The following DST variants were observed in gnomAD, a reference collection of about 807,000 sequenced individuals.
The protein encoded by DST is bullous pemphigoid antigen.
A neutral mutation model predicts 875.2 loss-of-function variants in DST; 253 were observed. The observed-to-expected ratio is 0.29, with a 90% CI of 0.26 to 0.32. DST has a LOEUF of 0.32. DST is among the 10% of genes least tolerant of loss of function. The pLI is 1.00. For missense variants in DST, 8,287 were observed against 9,111.6 expected, an observed-to-expected ratio of 0.91 and a Z score of 3.68; for synonymous variants, 3,124 against 3,197.1, an observed-to-expected ratio of 0.98 and a Z score of 0.77.
In DST at chr6:56,938,108, C is replaced by CTCTATA. The variant is rs1383243392; in HGVS notation, c.216+15676_216+15677insTATAGA. ...TCTCTCTCTCTCTCTCTCTCTCTCT[C>CTCTATA]TATATATATATATATATATATATGT... On this transcript the variant is annotated intron_variant, in intron 2 of 103. Coordinates refer to ENST00000680361, the MANE Select transcript of DST (RefSeq NM_001374736.1). Among the ~76,000 whole-genome samples the CTCTATA allele has an allele frequency of 2.7e-3, 326 of 120,732 alleles. 4 individuals are homozygous for CTCTATA. The highest frequency in any genetic ancestry group is 0.011 in the African/African-American group (304 of 28,606). 79.2% of individuals were successfully genotyped at this position (120,732 alleles called of 152,430 possible).
chr6:56,564,404 A>AT (rs1242082030), intron 55 of DST, among the ~76,000 whole-genome samples: 2 of 152,056 alleles, frequency 1.3e-5, no homozygotes, highest in Non-Finnish European at 2.9e-5. Context: ...AATGCTTGTG[A>AT]TTTTTGCACA....
chr6:56,900,779 A>G lies in DST; in HGVS notation c.217-158T>C, dbSNP rs1322561928. Reference sequence around the variant, plus strand: ...ATGGAGGAGGCTTAACGTGCAAGTTAAGTTTTCCCCACAAGTGTTCTTTAA... The same window carrying G: ...ATGGAGGAGGCTTAACGTGCAAGTTGAGTTTTCCCCACAAGTGTTCTTTAA... On this transcript the variant is annotated intron_variant, in intron 2 of 103. Coordinates refer to ENST00000680361, the MANE Select transcript of DST (RefSeq NM_001374736.1). Among the ~76,000 whole-genome samples the G allele has an allele frequency of 2.0e-5, 3 of 152,136 alleles. No homozygotes were observed. In the East Asian group the frequency reaches 5.8e-4, roughly 29 times the overall value.
At position 56,604,717 on chromosome 6, in the gene DST, C is replaced by T; in HGVS notation, c.9911G>A (p.Ser3304Asn). The change falls in exon 40 of 104, where the codon AGT (serine) becomes AAT (asparagine). Residue 3304 changes from serine to asparagine, a missense_variant. Physicochemically the swap from Ser to Asn is conservative, Grantham distance 46. Coordinates refer to ENST00000680361, the MANE Select transcript of DST (RefSeq NM_001374736.1). ...TGAATAGTCAGTATTTAAAGTGTTA[C>T]TGGAGTTATCATTTCCTAATCCATT... ...CANGLGNDNS[S>N]NTLNTDYSFL... 1 of 1,612,426 alleles carries T rather than the reference C, an allele frequency of 6.2e-7. No individual in the cohort carries two copies. The highest frequency in any genetic ancestry group is 8.5e-7 in the Non-Finnish European group (1 of 1,179,074).
chr6:56,942,059 A>G (rs1816877576), intron 2 of DST, among the ~76,000 whole-genome samples: 1 of 152,178 alleles, frequency 6.6e-6, no homozygotes, highest in Non-Finnish European at 1.5e-5. Flanking sequence ...TCCTTTCATC[A>G]TTGCGGAACA....
chr6:56,928,084 A>C (rs906193749), intron 2 of DST, among the ~76,000 whole-genome samples: 1 of 152,176 alleles, frequency 6.6e-6, no homozygotes, highest in African/African-American at 2.4e-5. Context: ...GTTGGGGCTT[A>C]TACCTCTGAG....
intron 10 of DST, among the ~76,000 whole-genome samples, chr6:56,658,803 G>A (rs1199521652): frequency 1.3e-5 from 2 of 152,198 alleles, no homozygotes; most frequent in East Asian, 1.9e-4. Context: ...GAGCTCCAAA[G>A]GGAGCTCAGG....
intron 4 of DST, among the ~76,000 whole-genome samples, chr6:56,795,130 C>T (rs1372865411): frequency 2.0e-5 from 3 of 151,822 alleles, no homozygotes; most frequent in Non-Finnish European, 4.4e-5. Context: ...AAAAAGTTAA[C>T]AAAAAATTAT....
chr6:56,668,110 C>T (rs62412524), intron 10 of DST, among the ~76,000 whole-genome samples: 5,340 of 152,254 alleles, frequency 0.035, 125 homozygotes, highest in Middle Eastern at 0.058. Flanking sequence ...GAGCAGAACA[C>T]ACCCTCAAAG....
chr6:56,578,489 C>T (rs1362693326), intron 50 of DST, among the ~76,000 whole-genome samples: 1 of 152,186 alleles, frequency 6.6e-6, no homozygotes, highest in Non-Finnish European at 1.5e-5. Flanking sequence ...GAAGGCCTAA[C>T]TCTGCCCAAT....
intron 91 of DST, 122 bp downstream of exon 91, chr6:56,477,223 C>T (rs762866186): frequency 8.4e-6 from 9 of 1,072,772 alleles, no homozygotes; most frequent in East Asian, 2.7e-5. Context: ...TTTAAAAGAA[C>T]GTTTTCTATG....
intron 49 of DST, among the ~76,000 whole-genome samples, chr6:56,586,733 C>G (rs561140059): frequency 3.0e-3 from 458 of 152,288 alleles, no homozygotes; most frequent in Non-Finnish European, 4.6e-3. Flanking sequence ...AATGATCAGA[C>G]AGCAGCATTC....
intron 4 of DST, among the ~76,000 whole-genome samples, chr6:56,820,186 C>T (rs1225162925): frequency 6.6e-6 from 1 of 152,186 alleles, no homozygotes; most frequent in Non-Finnish European, 1.5e-5. Context: ...TCAACTATAG[C>T]AACTGCAAAA....
At chr6:56,663,550 G>A (rs1256375842) in intron 10 of DST, among the ~76,000 whole-genome samples, 1 of 152,122 alleles carries the variant, frequency 6.6e-6, no homozygotes, top group Non-Finnish European at 1.5e-5. Flanking sequence ...ACCCTAAAGG[G>A]CCTCCTCCCG....
Position 56,628,098 on chromosome 6 carries a change from T to C in DST, c.4539A>G (p.Leu1513=), listed in dbSNP as rs1347070181. The C allele has an allele frequency of 1.2e-6, 2 of 1,613,590 alleles. No individual in the cohort carries two copies. Among genetic ancestry groups the C allele is most frequent in the Non-Finnish European group, 1.7e-6 (2 of 1,179,600 alleles). Residue 1513 remains leucine, a synonymous_variant, in exon 33 of 104, where the codon TTA becomes TTG. Coordinates refer to ENST00000680361, the MANE Select transcript of DST (RefSeq NM_001374736.1). ...LKYYRDTYHP[L]DDWIQQVETT... ...TTTCAACCTGCTGGATCCAATCATC[T>C]AAAGGATGGTAAGTGTCTCTGTAGT...
At chr6:56,791,615 G>A (rs1053112238) in intron 4 of DST, among the ~76,000 whole-genome samples, 6 of 151,728 alleles carry the variant, frequency 4.0e-5, no homozygotes, top group Admixed American at 6.6e-5. Context: ...GGAAGATCCC[G>A]TCTCTACAAA....
chr6:56,624,771 C>A, intron 35 of DST, 143 bp from the exon 36 acceptor site: 1 of 674,814 alleles, frequency 1.5e-6, no homozygotes, highest in Non-Finnish European at 2.6e-6. Context: ...TAAGAATGAG[C>A]TTATTATTAC....
At chr6:56,878,943 G>A (rs1372661462) in intron 3 of DST, among the ~76,000 whole-genome samples, 1 of 152,102 alleles carries the variant, frequency 6.6e-6, no homozygotes, top group African/African-American at 2.4e-5. Context: ...AGTGACCCAA[G>A]GGCTTTCCAT....
chr6:56,935,185 A>G (rs1184132294), intron 2 of DST, among the ~76,000 whole-genome samples: 1 of 152,236 alleles, frequency 6.6e-6, no homozygotes, highest in African/African-American at 2.4e-5. Context: ...TCCCAATTTT[A>G]TCTCCCACCC....
At chr6:56,598,756 T>G (rs745737534) in intron 45 of DST, 47 bp from the exon 46 acceptor site, 3 of 1,177,532 alleles carry the variant, frequency 2.5e-6, no homozygotes, top group Non-Finnish European at 3.5e-6. Context: ...TTATTACCTA[T>G]TTAGTTCTTC....
Sources: gnomAD v4.1 joint callset for allele counts (sites outside exome capture counted in the v4.1 genomes callset) on GRCh38, gnomAD v4.1.1 for gene constraint, MANE v1.5 for transcripts, NCBI Gene and HGNC (gene_info 2026-07-23, HGNC 2026-07-21) for gene names.